TBC1D13: variants seen among roughly 807,000 people sequenced by gnomAD.
TBC1D13 encodes the protein TBC1 domain family member 13, also known as epididymis secretory sperm binding protein.
A neutral mutation model predicts 53.6 loss-of-function variants in TBC1D13; 40 were observed. The ratio of observed to expected loss-of-function variants is 0.75; its 90% CI spans 0.58 to 0.97. The LOEUF (loss-of-function observed/expected upper bound fraction) is 0.97. Ranked by LOEUF, TBC1D13 falls within the 50% of genes least tolerant of loss-of-function variation. The pLI is 0.00. For missense variants in TBC1D13, 377 were observed against 499.4 expected (o/e 0.75, Z 2.34); for synonymous variants, 182 against 197.7 (o/e 0.92, Z 0.67).
intron 7 of TBC1D13, among the ~76,000 whole-genome samples, chr9:128,802,003 T>C (rs1285965573): frequency 2.7e-5 from 4 of 148,758 alleles, no homozygotes; most frequent in African/African-American, 7.3e-5. Flanking sequence ...CCTCGTGATC[T>C]GCCCACCTCA....
chr9:128,797,324 T>C, intron 7 of TBC1D13, 110 bp downstream of exon 7: 1 of 1,192,462 alleles, frequency 8.4e-7, no homozygotes. Context: ...GCTTGACAGT[T>C]ACTCAGCGCA....
chr9:128,788,431 A>G, intron 2 of TBC1D13, 24 bp downstream of exon 2: 1 of 1,611,066 alleles, frequency 6.2e-7, no homozygotes, highest in Non-Finnish European at 8.5e-7. Context: ...CTGTATTTTC[A>G]CGGTTTCCCT....
chr9:128,788,232 G>A (rs1046550619), intron 1 of TBC1D13, 102 bp from the exon 2 acceptor site: 1 of 972,630 alleles, frequency 1.0e-6, no homozygotes, highest in Admixed American at 1.8e-5. Flanking sequence ...AAAGGGGAGA[G>A]AGGCACAGGT....
chr9:128,803,758 A>G (rs1423669302), intron 8 of TBC1D13, among the ~76,000 whole-genome samples, 198 bp from the exon 9 acceptor site: 3 of 152,206 alleles, frequency 2.0e-5, no homozygotes, highest in Non-Finnish European at 2.9e-5. Context: ...GTGAATGTAC[A>G]GTATTGCCAG....
At chr9:128,807,067 TG>T (rs1829848683) in intron 11 of TBC1D13, among the ~76,000 whole-genome samples, 1 of 151,142 alleles carries the variant, frequency 6.6e-6, no homozygotes, top group African/African-American at 2.4e-5. Flanking sequence ...CACCAGCACG[TG>T]GCCTTAGTGT....
chr9:128,797,169 A>G lies in TBC1D13; in HGVS notation c.498A>G (p.Thr166=). ...ETLRKRVEQT[T]LKSQTVARNR... is the part of the protein sequence containing the mutation. ...TTCGTAAGAGAGTGGAACAGACAAC[A>G]CTGAAATCTCAGACGGTGGCCCGGA... Residue 166 remains threonine (T), a synonymous_variant, in exon 7 of 12, where the codon ACA becomes ACG. Coordinates refer to ENST00000372648, the MANE Select transcript of TBC1D13 (RefSeq NM_018201.5). The G allele has an allele frequency of 6.2e-7, 1 of 1,614,062 alleles. No homozygotes were observed. Among genetic ancestry groups the G allele is most frequent in the Non-Finnish European group, 8.5e-7 (1 of 1,180,012 alleles).
chr9:128,800,228 G>A (rs1234011149), intron 7 of TBC1D13, among the ~76,000 whole-genome samples: 1 of 152,174 alleles, frequency 6.6e-6, no homozygotes, highest in Non-Finnish European at 1.5e-5. Context: ...TGGAGCTTCC[G>A]CCTGAGCAGG....
At position 128,808,770 on chromosome 9, in the gene TBC1D13, T is replaced by G. The variant is rs1456427964; in HGVS notation, c.*891T>G. Reference sequence around the variant, plus strand: ...GCCCTGGCTCCTAGGTCCTCCCAACTGGGAGGGAGTCCTCCGTGCCTCACT... The same window carrying G: ...GCCCTGGCTCCTAGGTCCTCCCAACGGGGAGGGAGTCCTCCGTGCCTCACT... On this transcript the variant is annotated 3_prime_UTR_variant, in exon 12 of 12. Transcript: ENST00000372648. 6.6e-6 allele frequency: 1 copy of G among 152,078 alleles called. No homozygotes were observed. The highest frequency in any genetic ancestry group is 1.5e-5 in the Non-Finnish European group (1 of 68,106). 9.4% of individuals were successfully genotyped at this position (152,078 alleles called of 1,614,324 possible).
At chr9:128,800,367 CTTT>C (rs780656078) in intron 7 of TBC1D13, among the ~76,000 whole-genome samples, 2 of 106,710 alleles carry the variant, frequency 1.9e-5, no homozygotes. Flanking sequence ...TATCTTCCAA[CTTT>C]TTTTTTTTTT....
At chr9:128,802,737 ATT>A (rs34161473) in intron 7 of TBC1D13, among the ~76,000 whole-genome samples, 6,744 of 137,382 alleles carry the variant, frequency 0.049, 510 homozygotes, top group African/African-American at 0.17. Context: ...CACATTGTCC[ATT>A]TTTTTTTTTT....
rs1829511789 is a variant in TBC1D13, at chr9:128,790,506, G to A, written c.98-229G>A. Among the ~76,000 whole-genome samples the A allele has an allele frequency of 2.0e-5, 3 of 152,222 alleles. 1 individual carries two copies. The highest frequency in any genetic ancestry group is 4.1e-4 in the South Asian group (2 of 4,836). On this transcript the variant is annotated intron_variant, in intron 2 of 11. Coordinates refer to ENST00000372648, the MANE Select transcript of TBC1D13 (RefSeq NM_018201.5). ...GGAGAATCGCTGGAACTCGGGAGGC[G>A]GAGGCTGCAGTGAGCCGAGATTGCG...
At chr9:128,801,766 T>TG (rs1318660025) in intron 7 of TBC1D13, among the ~76,000 whole-genome samples, 6 of 120,648 alleles carry the variant, frequency 5.0e-5, no homozygotes, top group South Asian at 5.3e-4. Context: ...TTTTGTTTTT[T>TG]GTTTTTTTTT....
intron 7 of TBC1D13, among the ~76,000 whole-genome samples, chr9:128,800,478 C>T (rs1564425378): frequency 7.1e-6 from 1 of 140,954 alleles, no homozygotes; most frequent in Non-Finnish European, 1.5e-5. Context: ...TCAAGCAATT[C>T]TCGTGCCTTA....
intron 7 of TBC1D13, among the ~76,000 whole-genome samples, chr9:128,801,701 A>G (rs1448407631): frequency 6.6e-6 from 1 of 151,602 alleles, no homozygotes; most frequent in Non-Finnish European, 1.5e-5. Context: ...AAAAGAAAGA[A>G]AAGTCTTGGG....
rs758095984 is a variant in TBC1D13, at chr9:128,803,966, G to C, written c.765G>C (p.Glu255Asp). 5 of 1,612,960 alleles carry C rather than the reference G, an allele frequency of 3.1e-6. No homozygotes were observed. The highest frequency in any genetic ancestry group is 3.4e-6 in the Non-Finnish European group (4 of 1,180,010). ...DPNSEWKEHA[E>D]ADTFFCFTNL... ...CCTGCTCTCTCCCAGAGCACGCCGA[G>C]GCAGACACCTTTTTCTGCTTCACCA... The change falls in exon 9 of 12, where the codon GAG (glutamate) becomes GAC (aspartate). Residue 255 changes from glutamate (E) to aspartate (D), a missense_variant. Coordinates refer to ENST00000372648, the MANE Select transcript of TBC1D13 (RefSeq NM_018201.5).
chr9:128,789,863 G>C (rs912165513), intron 2 of TBC1D13: 4 of 145,204 alleles, frequency 2.8e-5, no homozygotes, highest in Non-Finnish European at 4.5e-5. Context: ...AGCCATTATT[G>C]CTTATAACAG....
intron 5 of TBC1D13, 87 bp from the exon 6 acceptor site, chr9:128,792,405 C>A: frequency 8.5e-7 from 1 of 1,176,714 alleles, no homozygotes; most frequent in Non-Finnish European, 1.2e-6. Context: ...ATTGTTGCAG[C>A]AAGGCCACTG....
chr9:128,791,773 A>G (rs1291838098), intron 5 of TBC1D13, 80 bp downstream of exon 5: 2 of 1,247,214 alleles, frequency 1.6e-6, no homozygotes, highest in East Asian at 4.7e-5. Flanking sequence ...GGGCCCCTGC[A>G]TGCCAGGGGG....
In TBC1D13 at chr9:128,794,431, G is replaced by A. The variant is rs151334120; in HGVS notation, c.383+1857G>A. Among the ~76,000 whole-genome samples, 333 of 152,276 alleles carry A rather than the reference G, an allele frequency of 2.2e-3. 1 individual carries two copies. Among genetic ancestry groups the A allele is most frequent in the Non-Finnish European group, 4.1e-3 (280 of 68,010 alleles). Reference sequence around the variant, plus strand: ...CAAGTCAAGAACCACTCCGTGACCTGGGGAAATAGGTTCTGTTTTTTTGTT... The same window carrying A: ...CAAGTCAAGAACCACTCCGTGACCTAGGGAAATAGGTTCTGTTTTTTTGTT... On this transcript the variant is annotated intron_variant, in intron 6 of 11. Transcript: ENST00000372648.
Sources: allele counts gnomAD v4.1 joint callset (sites outside exome capture counted in the v4.1 genomes callset), GRCh38; gene constraint gnomAD v4.1.1; transcripts MANE v1.5; gene names NCBI Gene and HGNC (gene_info 2026-07-23, HGNC 2026-07-21).